PARD3B: variants seen among roughly 807,000 people sequenced by gnomAD.
The protein encoded by PARD3B is par-3 family cell polarity regulator beta, also known as partitioning defective 3 homolog B.
A neutral mutation model predicts 130.2 loss-of-function variants in PARD3B; 103 were observed. That is an observed-to-expected ratio of 0.79 (90% CI 0.67 to 0.93). PARD3B has a LOEUF of 0.93. Among genes scored for constraint, PARD3B ranks in the 40% least tolerant of loss-of-function variants. The pLI is 0.00. For synonymous variants in PARD3B, 583 were observed against 553.2 expected (o/e 1.05, Z -0.76); for missense variants, 1,609 against 1,499.2 (o/e 1.07, Z -1.21).
rs777653466 is a variant in PARD3B at position 205,592,305 on chromosome 2, C to G, written c.3261-23151C>G. Among the ~76,000 whole-genome samples the G allele has an allele frequency of 2.6e-5, 4 of 152,174 alleles. No individual in the cohort carries two copies. The highest frequency in any genetic ancestry group is 6.5e-5 in the Admixed American group (1 of 15,268). On this transcript the variant is annotated intron_variant, in intron 22 of 22. Coordinates refer to ENST00000406610, the MANE Select transcript of PARD3B (RefSeq NM_001302769.2). This position sits in a 1 kb window ranked among gnomAD's most constrained non-coding sequence, Gnocchi z 4.5. ...TTGGAATTGCTGTACGCCTTGGGAG[C>G]TTGGTCATTAGGCAACAAGCAAGAT...
Position 205,113,604 on chromosome 2 carries a change from C to G in PARD3B, c.680+27C>G, listed in dbSNP as rs144123261. The G allele has an allele frequency of 3.3e-4, 513 of 1,564,058 alleles. 4 individuals carry two copies. The African/African-American group carries it at 6.6e-3, about 20-fold the overall frequency. ...TAAGATGTTTTTCTCATTCCAGAAG[C>G]TCATGCTAATGAAAACCCTGATTTG... is the stretch of plus-strand genomic sequence containing the variant. On this transcript the variant is annotated intron_variant, in intron 6 of 22. Transcript: ENST00000406610.
intron 1 of PARD3B, among the ~76,000 whole-genome samples, chr2:204,620,128 A>G (rs544291213): frequency 1.3e-5 from 2 of 152,188 alleles, no homozygotes; most frequent in South Asian, 2.1e-4. Flanking sequence ...CAGCCTCCCA[A>G]GTAGCTGGGA....
intron 1 of PARD3B, among the ~76,000 whole-genome samples, chr2:204,630,815 C>T (rs6721452): frequency 0.61 from 92,244 of 151,924 alleles, 31,369 homozygotes; most frequent in Non-Finnish European, 0.75. Context: ...GATAATATCC[C>T]ACTTATCATT....
chr2:205,084,584 A>T (rs1401395755), intron 4 of PARD3B, among the ~76,000 whole-genome samples: 1 of 152,038 alleles, frequency 6.6e-6, no homozygotes. Flanking sequence ...AAATGTTGTT[A>T]TGTAATTTCT....
chr2:205,241,814 C>T lies in PARD3B; in HGVS notation c.2141-3964C>T, dbSNP rs958860035. On this transcript the variant is annotated intron_variant, in intron 15 of 22. Coordinates refer to ENST00000406610, the MANE Select transcript of PARD3B (RefSeq NM_001302769.2). This position sits in a 1 kb window ranked among gnomAD's most constrained non-coding sequence, Gnocchi z 4.2. ...TGTCACATTTCATATCACTACCATT[C>T]CAATCACTGTGCTAAATATTATGCA... Among the ~76,000 whole-genome samples, 19 of 152,134 alleles carry T rather than the reference C, an allele frequency of 1.2e-4. No individual in the cohort carries two copies.
At chr2:204,942,989 A>G (rs1295866975) in intron 2 of PARD3B, among the ~76,000 whole-genome samples, 1 of 152,082 alleles carries the variant, frequency 6.6e-6, no homozygotes, top group African/African-American at 2.4e-5. Flanking sequence ...ACACAAATTT[A>G]CCTCCAGAAC....
intron 18 of PARD3B, among the ~76,000 whole-genome samples, chr2:205,324,085 C>T (rs1012221241): frequency 4.6e-5 from 7 of 152,092 alleles, no homozygotes; most frequent in Non-Finnish European, 8.8e-5. Context: ...CTGTATTACA[C>T]ACCTTCTTTT....
Position 205,563,224 on chromosome 2 carries a change from A to G in PARD3B, c.3260+9821A>G, listed in dbSNP as rs550187261. On this transcript the variant is annotated intron_variant, in intron 22 of 22. Coordinates refer to ENST00000406610, the MANE Select transcript of PARD3B (RefSeq NM_001302769.2). The surrounding 1 kb of genome is among the most constrained non-coding windows in gnomAD (Gnocchi z 4.2). The stretch of plus-strand genomic sequence containing the variant: ...GTTTATTCCTAAACTAGTTGATTGT[A>G]TTTAAATAGAAAATAAAACTAAGAA... Among the ~76,000 whole-genome samples the G allele has an allele frequency of 1.8e-4, 27 of 152,344 alleles. No individual in the cohort carries two copies. The highest frequency in any genetic ancestry group is 3.4e-3 in the Middle Eastern group (1 of 294).
intron 2 of PARD3B, among the ~76,000 whole-genome samples, chr2:204,858,623 G>A (rs1369533656): frequency 6.6e-6 from 1 of 151,144 alleles, no homozygotes; most frequent in Non-Finnish European, 1.5e-5. Context: ...TAATGATAGT[G>A]TATTGTATTT....
chr2:205,018,658 C>G (rs1024695141), intron 3 of PARD3B, among the ~76,000 whole-genome samples: 1 of 127,884 alleles, frequency 7.8e-6, no homozygotes, highest in South Asian at 2.4e-4. Context: ...TTTCTTGACC[C>G]AAGGTTACAA....
chr2:204,835,245 G>C (rs1035058848), intron 2 of PARD3B, among the ~76,000 whole-genome samples: 1 of 152,206 alleles, frequency 6.6e-6, no homozygotes, highest in Admixed American at 6.5e-5. Flanking sequence ...GGGTAGATGA[G>C]ATGCATGCTA....
rs375154709 is a variant in PARD3B, at chr2:204,561,686, C to G, written c.120+15567C>G. Among the ~76,000 whole-genome samples, 28 of 151,510 alleles carry G rather than the reference C, an allele frequency of 1.8e-4. No individual in the cohort carries two copies. In the East Asian group the frequency reaches 3.9e-3, roughly 21 times the overall value. On this transcript the variant is annotated intron_variant, in intron 1 of 22. Transcript: ENST00000406610. ...TCTTGGCTCACTGCAACCTCCGCCT[C>G]CAGGGTTCAAGTGATTCTCCTGCCT... is the stretch of plus-strand genomic sequence containing the variant.
At chr2:205,044,507 G>A (rs1698628171) in intron 3 of PARD3B, among the ~76,000 whole-genome samples, 1 of 150,192 alleles carries the variant, frequency 6.7e-6, no homozygotes, top group Admixed American at 6.6e-5. Flanking sequence ...TCTAACTGGT[G>A]TGAGATGGTA....
intron 4 of PARD3B, among the ~76,000 whole-genome samples, chr2:205,057,317 A>G (rs1276266520): frequency 6.8e-6 from 1 of 147,366 alleles, no homozygotes; most frequent in African/African-American, 2.5e-5. Flanking sequence ...TCGTATATGT[A>G]TGTTATATAT....
At chr2:204,668,504 T>A (rs2036128650) in intron 1 of PARD3B, among the ~76,000 whole-genome samples, 3 of 152,200 alleles carry the variant, frequency 2.0e-5, no homozygotes, top group African/African-American at 7.2e-5. Flanking sequence ...TCCTGAAGAT[T>A]GGACTTCTAA....
intron 13 of PARD3B, among the ~76,000 whole-genome samples, chr2:205,179,799 CT>C (rs1459941692): frequency 6.6e-6 from 1 of 151,996 alleles, no homozygotes; most frequent in Non-Finnish European, 1.5e-5. Context: ...ATAGCAAAGG[CT>C]AAACTAATGA....
chr2:204,811,699 T>C (rs776696178), intron 2 of PARD3B, among the ~76,000 whole-genome samples: 1 of 152,150 alleles, frequency 6.6e-6, no homozygotes, highest in Non-Finnish European at 1.5e-5. Context: ...TATCCACCAA[T>C]TTCAAAATAT....
Position 204,750,538 on chromosome 2 carries a change from A to G in PARD3B, c.222+64256A>G, listed in dbSNP as rs373189643. ...GAGGTGGAGGTTGTGGTGAGCCCAG[A>G]TCGCACCACTGCACTTCAGCCTTGG... is the stretch of plus-strand genomic sequence containing the variant. On this transcript the variant is annotated intron_variant, in intron 2 of 22. Transcript: ENST00000406610. Among the ~76,000 whole-genome samples, 80 of 152,306 alleles carry G rather than the reference A, an allele frequency of 5.3e-4. 1 individual carries two copies. Among genetic ancestry groups the G allele is most frequent in the African/African-American group, 1.9e-3 (80 of 41,570 alleles).
At chr2:205,398,250 G>A (rs558990983) in intron 18 of PARD3B, among the ~76,000 whole-genome samples, 1 of 152,224 alleles carries the variant, frequency 6.6e-6, no homozygotes, top group South Asian at 2.1e-4. Flanking sequence ...GCAGTGAGCC[G>A]AGATCGCATC....
Sources: allele counts gnomAD v4.1 joint callset (sites outside exome capture counted in the v4.1 genomes callset), GRCh38; gene constraint gnomAD v4.1.1; non-coding constraint Gnocchi (gnomAD v3.1); transcripts MANE v1.5; gene names NCBI Gene and HGNC (gene_info 2026-07-23, HGNC 2026-07-21).